ZNF2: variants seen among roughly 807,000 people sequenced by gnomAD.
The protein encoded by ZNF2 is zinc finger protein 2.
ZNF2 carries 12 observed loss-of-function variants against 21.9 expected under a neutral mutation model. That is an observed-to-expected ratio of 0.55 (90% CI 0.35 to 0.89). The LOEUF is 0.89. Ranked by LOEUF, ZNF2 falls within the 40% of genes least tolerant of loss-of-function variation. The probability of loss-of-function intolerance (pLI) is 0.01; values close to 1 mark genes in which losing one functional copy is unlikely to be tolerated. For missense variants in ZNF2, 462 were observed against 544.2 expected (o/e 0.85, Z 1.50); for synonymous variants, 186 against 196.3 (o/e 0.95, Z 0.44).
At chr2:95,168,657 A>G (rs1322109270) in intron 1 of ZNF2, among the ~76,000 whole-genome samples, 5 of 152,184 alleles carry the variant, frequency 3.3e-5, no homozygotes, top group Non-Finnish European at 5.9e-5. Flanking sequence ...AAAGGAAGAG[A>G]ACTTTATTTG....
chr2:95,172,001 G>T (rs1454712493), intron 1 of ZNF2, among the ~76,000 whole-genome samples: 2 of 152,202 alleles, frequency 1.3e-5, no homozygotes, highest in Non-Finnish European at 2.9e-5. Flanking sequence ...GACAAGCCGG[G>T]TAGAGGAATC....
chr2:95,176,814 G>C (rs1674458686), intron 2 of ZNF2, among the ~76,000 whole-genome samples: 2 of 152,114 alleles, frequency 1.3e-5, no homozygotes, highest in African/African-American at 4.8e-5. Flanking sequence ...TGAGGTTTTA[G>C]AACTGAAGGT....
intron 3 of ZNF2, among the ~76,000 whole-genome samples, chr2:95,178,460 C>T (rs764277013): frequency 2.4e-4 from 37 of 152,126 alleles, no homozygotes; most frequent in Non-Finnish European, 4.0e-4. Flanking sequence ...TTGTTACAGG[C>T]TTTAGTAGAT....
chr2:95,170,946 A>G (rs1674247392), intron 1 of ZNF2, among the ~76,000 whole-genome samples: 2 of 152,362 alleles, frequency 1.3e-5, no homozygotes, highest in Middle Eastern at 3.4e-3. Context: ...AGATACAAGT[A>G]TCTATCCTGA....
At chr2:95,167,288 A>G (rs1674098221) in intron 1 of ZNF2, among the ~76,000 whole-genome samples, 1 of 151,968 alleles carries the variant, frequency 6.6e-6, no homozygotes, top group Non-Finnish European at 1.5e-5. Flanking sequence ...GCGGATCACG[A>G]GGTCAGGAGA....
At chr2:95,179,971 C>T (rs1270240309) in intron 3 of ZNF2, among the ~76,000 whole-genome samples, 188 bp from the exon 4 acceptor site, 1 of 152,192 alleles carries the variant, frequency 6.6e-6, no homozygotes, top group East Asian at 1.9e-4. Flanking sequence ...GCAGGAGAAT[C>T]ACTTGAACCT....
chr2:95,165,921 A>C (rs1242014195), intron 1 of ZNF2, 61 bp downstream of exon 1: 1 of 151,958 alleles, frequency 6.6e-6, no homozygotes, highest in African/African-American at 2.4e-5. Flanking sequence ...GAGAGAGGGG[A>C]CATGAGAACT....
In ZNF2 at chr2:95,181,155, A is replaced by T. The variant is rs1233564184; in HGVS notation, c.327A>T (p.Gly109=). The change falls in exon 5 of 5, where the codon GGA becomes GGT. Residue 109 remains glycine, a synonymous_variant. Transcript: ENST00000614034. The part of the protein sequence containing the change: ...IHDASDKKSE[G]SLRECLGRQS... ...ATGCTTCAGACAAAAAATCAGAAGG[A>T]TCATTGAGGGAATGCCTTGGAAGGC... 6.2e-7 allele frequency: 1 copy of T among 1,614,240 alleles called. No homozygotes were observed. Among genetic ancestry groups the T allele is most frequent in the African/African-American group, 1.3e-5 (1 of 75,062 alleles).
rs1274267221 is a variant in ZNF2, at chr2:95,180,182, G to A, written c.184G>A (p.Val62Met). Residue 62 changes from valine to methionine, a missense_variant, in exon 4 of 5, where the codon GTG (valine) becomes ATG (methionine). Physicochemically the swap from Val to Met is conservative, Grantham distance 21 (BLOSUM62 1). Transcript: ENST00000614034. ...SLGLPVPQPD[V>M]IFQLKRGDKP... Reference sequence around the variant, plus strand: ...AGGCCTTCCAGTTCCTCAACCTGATGTGATTTTCCAATTGAAGAGAGGGGA... The same window carrying A: ...AGGCCTTCCAGTTCCTCAACCTGATATGATTTTCCAATTGAAGAGAGGGGA... 1.9e-6 allele frequency: 3 copies of A among 1,613,988 alleles called. No individual in the cohort carries two copies. The highest frequency in any genetic ancestry group is 2.7e-5 in the African/African-American group (2 of 74,942).
At position 95,176,247 on chromosome 2, in the gene ZNF2, C is replaced by T. The variant is rs545043955; in HGVS notation, c.21C>T (p.Thr7=). ...AGAGAATGGCTGCTGTGTCTCCGAC[C>T]ACCAGATGCCAGGTGAGGTGGACTT... MAAVSP[T]TRCQESVTFE... is the part of the protein sequence containing the mutation. The change falls in exon 2 of 5, where the codon ACC becomes ACT. Residue 7 remains threonine, a synonymous_variant. Transcript: ENST00000614034. 6.8e-5 allele frequency: 109 copies of T among 1,614,162 alleles called. No individual in the cohort carries two copies. The East Asian group carries it at 2.0e-3, about 29-fold the overall frequency.
At chr2:95,175,609 A>G (rs1674414187) in intron 1 of ZNF2, among the ~76,000 whole-genome samples, 1 of 152,072 alleles carries the variant, frequency 6.6e-6, no homozygotes, top group Non-Finnish European at 1.5e-5. Flanking sequence ...TCACATTCCC[A>G]AGGAAGGATG....
intron 2 of ZNF2, among the ~76,000 whole-genome samples, chr2:95,176,836 A>T (rs1674459999): frequency 6.6e-6 from 1 of 152,208 alleles, no homozygotes; most frequent in Non-Finnish European, 1.5e-5. Context: ...AAGAGATGCA[A>T]TCTTACAGAA....
intron 3 of ZNF2, among the ~76,000 whole-genome samples, chr2:95,178,169 A>G (rs1300768721): frequency 2.6e-5 from 4 of 152,196 alleles, no homozygotes; most frequent in Non-Finnish European, 5.9e-5. Flanking sequence ...TTGTGTGACA[A>G]AGAGAAAGTT....
At chr2:95,166,629 ATGT>A (rs1337805261) in intron 1 of ZNF2, among the ~76,000 whole-genome samples, 3 of 152,146 alleles carry the variant, frequency 2.0e-5, no homozygotes, top group African/African-American at 4.8e-5. Context: ...TTGGAGTAAG[ATGT>A]TGTGGACTTG....
chr2:95,166,763 C>G (rs1284489836), intron 1 of ZNF2, among the ~76,000 whole-genome samples: 1 of 152,078 alleles, frequency 6.6e-6, no homozygotes, highest in Non-Finnish European at 1.5e-5. Flanking sequence ...ATTTGGGACA[C>G]CTGGGAGAAC....
At chr2:95,177,644 A>G (rs770918526) in intron 3 of ZNF2, 35 bp downstream of exon 3, 1 of 1,603,390 alleles carries the variant, frequency 6.2e-7, no homozygotes, top group South Asian at 1.1e-5. Flanking sequence ...TACAGTCTGT[A>G]CTATGCTAAT....
At chr2:95,171,809 C>T (rs1674281575) in intron 1 of ZNF2, among the ~76,000 whole-genome samples, 1 of 152,242 alleles carries the variant, frequency 6.6e-6, no homozygotes. Flanking sequence ...TTCTTTCCTT[C>T]CTGTAATCCC....
At chr2:95,166,475 A>T (rs767337132) in intron 1 of ZNF2, among the ~76,000 whole-genome samples, 1 of 152,212 alleles carries the variant, frequency 6.6e-6, no homozygotes, top group Non-Finnish European at 1.5e-5. Flanking sequence ...GACAAGACTC[A>T]GTAGGCAAGG....
At chr2:95,170,237 G>T (rs561186539) in intron 1 of ZNF2, among the ~76,000 whole-genome samples, 2 of 152,288 alleles carry the variant, frequency 1.3e-5, no homozygotes, top group South Asian at 2.1e-4. Flanking sequence ...ACATGTCTTT[G>T]TTTCTGTTTG....
Sources: gnomAD v4.1 joint callset for allele counts (sites outside exome capture counted in the v4.1 genomes callset) on GRCh38, gnomAD v4.1.1 for gene constraint, MANE v1.5 for transcripts, NCBI Gene and HGNC (gene_info 2026-07-23, HGNC 2026-07-21) for gene names.